Variants in HTR1E observed in about 807,000 individuals in gnomAD.
The protein encoded by HTR1E is 5-HT-1E.
In HTR1E, 3 loss-of-function variants were observed where a neutral mutation model predicts 3.4. That is an observed-to-expected ratio of 0.89 (90% confidence interval 0.41 to 2.31). The LOEUF is 2.31. Ranked by LOEUF, HTR1E falls within the 30% of genes most tolerant of loss-of-function variation. The pLI is 0.05. For missense variants in HTR1E, 392 were observed against 467.0 expected (o/e 0.84, Z 1.48); for synonymous variants, 170 against 182.8 (o/e 0.93, Z 0.56).
chr6:87,004,517 C>A (rs1202682987), intron 1 of HTR1E, among the ~76,000 whole-genome samples: 1 of 152,060 alleles, frequency 6.6e-6, no homozygotes, highest in Non-Finnish European at 1.5e-5. Flanking sequence ...TCAGTTGATG[C>A]TGAAAAGCAC....
At chr6:86,958,578 T>C (rs926862138) in intron 1 of HTR1E, among the ~76,000 whole-genome samples, 5 of 152,182 alleles carry the variant, frequency 3.3e-5, no homozygotes, top group Admixed American at 1.3e-4. Context: ...TCATCTCCAG[T>C]GTCTAGAGGA....
chr6:86,956,409 C>A (rs1173658335), intron 1 of HTR1E, among the ~76,000 whole-genome samples: 1 of 152,182 alleles, frequency 6.6e-6, no homozygotes, highest in African/African-American at 2.4e-5. Context: ...TTCAGACATT[C>A]CTTTCTATAT....
At chr6:86,980,041 C>T (rs1389705431) in intron 1 of HTR1E, among the ~76,000 whole-genome samples, 1 of 152,138 alleles carries the variant, frequency 6.6e-6, no homozygotes, top group Non-Finnish European at 1.5e-5. Flanking sequence ...CAAACAAGAG[C>T]TGAGGGGGTG....
intron 1 of HTR1E, among the ~76,000 whole-genome samples, chr6:86,985,234 AT>A (rs1767768878): frequency 6.6e-6 from 1 of 152,108 alleles, no homozygotes; most frequent in Non-Finnish European, 1.5e-5. Context: ...AATCAAGTAT[AT>A]TTTTAGGATT....
At chr6:86,989,173 G>A (rs922467689) in intron 1 of HTR1E, among the ~76,000 whole-genome samples, 19 of 152,144 alleles carry the variant, frequency 1.2e-4, no homozygotes, top group African/African-American at 4.3e-4. Flanking sequence ...TCCCTACCCC[G>A]ACACCACACT....
At chr6:86,993,024 C>T (rs1767892084) in intron 1 of HTR1E, among the ~76,000 whole-genome samples, 1 of 152,092 alleles carries the variant, frequency 6.6e-6, no homozygotes, top group Admixed American at 6.5e-5. Flanking sequence ...TCCCCAGAGA[C>T]CTCTCCATCC....
intron 1 of HTR1E, among the ~76,000 whole-genome samples, chr6:86,996,386 T>C (rs1767939872): frequency 6.6e-6 from 1 of 152,166 alleles, no homozygotes; most frequent in African/African-American, 2.4e-5. Context: ...AGGAGAAATC[T>C]TTAAATACTT....
chr6:86,952,967 T>C (rs950740132), intron 1 of HTR1E, among the ~76,000 whole-genome samples: 3 of 152,188 alleles, frequency 2.0e-5, no homozygotes. Flanking sequence ...TTTATGGGCT[T>C]CCATTATTGT....
Position 87,015,325 on chromosome 6 carries a change from C to T in HTR1E, c.-10C>T, listed in dbSNP as rs771992830. The T allele has an allele frequency of 1.3e-6, 2 of 1,532,160 alleles. No individual in the cohort carries two copies. Among genetic ancestry groups the T allele is most frequent in the Admixed American group, 4.0e-5 (2 of 49,690 alleles). 94.9% of individuals were successfully genotyped at this position (1,532,160 alleles called of 1,614,324 possible). ...AGCTTCTCCACAGTGTAGACTGAAA[C>T]AAGGGAAACATGAACATCACAAACT... On this transcript the variant is annotated 5_prime_UTR_variant, in exon 2 of 2. Transcript: ENST00000305344.
intron 1 of HTR1E, among the ~76,000 whole-genome samples, chr6:86,975,947 A>ACACACT (rs984062327): frequency 9.3e-5 from 13 of 139,784 alleles, no homozygotes; most frequent in African/African-American, 3.4e-4. Context: ...ACACACACAC[A>ACACACT]CTCTCTCTCT....
intron 1 of HTR1E, among the ~76,000 whole-genome samples, chr6:86,975,766 G>A (rs1309087263): frequency 3.3e-5 from 5 of 152,010 alleles, no homozygotes; most frequent in East Asian, 1.9e-4. Flanking sequence ...ATTAGCATAC[G>A]TGAAACACAC....
intron 1 of HTR1E, among the ~76,000 whole-genome samples, chr6:87,009,343 A>G (rs1463466249): frequency 6.6e-6 from 1 of 151,538 alleles, no homozygotes; most frequent in Non-Finnish European, 1.5e-5. Flanking sequence ...CCCTGAGTGG[A>G]CACAGCACAT....
At chr6:86,999,214 G>C (rs1354975260) in intron 1 of HTR1E, among the ~76,000 whole-genome samples, 1 of 151,970 alleles carries the variant, frequency 6.6e-6, no homozygotes, top group African/African-American at 2.4e-5. Flanking sequence ...TGCCCACCTC[G>C]GCCTCCCAAA....
At chr6:87,012,129 G>T (rs995391495) in intron 1 of HTR1E, among the ~76,000 whole-genome samples, 1 of 152,152 alleles carries the variant, frequency 6.6e-6, no homozygotes, top group African/African-American at 2.4e-5. Flanking sequence ...CTGTAGGAGT[G>T]GGGGACAGTA....
At chr6:86,949,320 G>C (rs1767187668) in intron 1 of HTR1E, among the ~76,000 whole-genome samples, 1 of 152,304 alleles carries the variant, frequency 6.6e-6, no homozygotes, top group East Asian at 1.9e-4. Context: ...GCTTAAAACA[G>C]TATCTGGTAT....
At chr6:87,004,621 C>A (rs1175785712) in intron 1 of HTR1E, among the ~76,000 whole-genome samples, 2 of 152,070 alleles carry the variant, frequency 1.3e-5, no homozygotes, top group African/African-American at 4.8e-5. Context: ...ACATGACAGA[C>A]CCACAGCTAG....
At chr6:86,970,023 T>G (rs372222352) in intron 1 of HTR1E, among the ~76,000 whole-genome samples, 1 of 152,240 alleles carries the variant, frequency 6.6e-6, no homozygotes, top group African/African-American at 2.4e-5. Context: ...ATATCATCCC[T>G]GGATTATTTC....
chr6:86,994,056 T>G (rs1365860543), intron 1 of HTR1E, among the ~76,000 whole-genome samples: 1 of 151,976 alleles, frequency 6.6e-6, no homozygotes, highest in Non-Finnish European at 1.5e-5. Flanking sequence ...ATCGGTGAAC[T>G]TAAAGATAGA....
chr6:86,965,522 AG>A lies in HTR1E; in HGVS notation c.-186+27700del, dbSNP rs550966418. On this transcript the variant is annotated intron_variant, in intron 1 of 1. Coordinates refer to ENST00000305344, the MANE Select transcript of HTR1E (RefSeq NM_000865.3). The stretch of plus-strand genomic sequence containing the variant: ...TCTGGAATAGGTTTGAGTCATCAAG[AG>A]TTTGTAGAAATTTCCCAGGTGGTTC... Among the ~76,000 whole-genome samples the A allele has an allele frequency of 3.1e-3, 475 of 152,262 alleles. 3 individuals carry two copies. Among genetic ancestry groups the A allele is most frequent in the Middle Eastern group, 0.027 (8 of 294 alleles).
Sources: gnomAD v4.1 joint callset for allele counts (sites outside exome capture counted in the v4.1 genomes callset) on GRCh38, gnomAD v4.1.1 for gene constraint, MANE v1.5 for transcripts, NCBI Gene and HGNC (gene_info 2026-07-23, HGNC 2026-07-21) for gene names.